The following MYO9B variants were observed in gnomAD, a reference collection of about 807,000 sequenced individuals.
The protein encoded by MYO9B is myosin IXB, also known as unconventional myosin-IXb.
Under a neutral mutation model 229.5 loss-of-function variants are expected in MYO9B, and 71 were observed. The ratio of observed to expected loss-of-function variants is 0.31; its 90% CI spans 0.26 to 0.38. The LOEUF is 0.38. MYO9B is among the 10% of genes least tolerant of loss of function. The pLI is 1.00. For missense variants in MYO9B, 2,255 were observed against 2,920.5 expected, an observed-to-expected ratio of 0.77 and a Z score of 5.25; for synonymous variants, 1,185 against 1,235.8, an observed-to-expected ratio of 0.96 and a Z score of 0.86.
At chr19:17,154,451 G>T in intron 6 of MYO9B, 36 bp downstream of exon 6, 1 of 1,525,496 alleles carries the variant, frequency 6.6e-7, no homozygotes. Context: ...GTCCCCCAGA[G>T]CCTACAGGGG....
intron 2 of MYO9B, among the ~76,000 whole-genome samples, chr19:17,111,649 C>G (rs1004534873): frequency 1.3e-5 from 2 of 152,128 alleles, no homozygotes; most frequent in African/African-American, 4.8e-5. Context: ...TCTCCAACTC[C>G]TGGCCTCAGG....
chr19:17,206,225 G>GGGGGGGGCCCCCCCCC, intron 32 of MYO9B, 23 bp from the exon 33 acceptor site: 1 of 1,564,660 alleles, frequency 6.4e-7, no homozygotes, highest in Non-Finnish European at 8.7e-7. Context: ...CCGCTCACCA[G>GGGGGGGGCCCCCCCCC]ACCCACCCCA....
intron 2 of MYO9B, among the ~76,000 whole-genome samples, chr19:17,107,391 G>C (rs939944320): frequency 6.6e-6 from 1 of 152,282 alleles, no homozygotes; most frequent in East Asian, 1.9e-4. Context: ...AAGTGGCACG[G>C]CCAGGAGGCA....
Position 17,145,486 on chromosome 19 carries a change from G to A in MYO9B, c.930G>A (p.Val310=), listed in dbSNP as rs2072397850. ...IQVSYLESGI[V]RGAVVEKYLL... is the part of the protein sequence containing the mutation. ...TCAGCTACCTAGAGAGTGGCATCGT[G>A]AGAGGGTGAGGTGTCCCTGGGGTCC... The change falls in exon 3 of 40, where the codon GTG becomes GTA. Residue 310 remains valine (V), a synonymous_variant. Transcript: ENST00000682292. 5.6e-6 allele frequency: 9 copies of A among 1,613,786 alleles called. No individual in the cohort carries two copies. The highest frequency in any genetic ancestry group is 6.8e-6 in the Non-Finnish European group (8 of 1,179,804).
intron 2 of MYO9B, among the ~76,000 whole-genome samples, chr19:17,102,768 A>G (rs1388186509): frequency 6.6e-6 from 1 of 151,366 alleles, no homozygotes; most frequent in Non-Finnish European, 1.5e-5. Context: ...CCAGGCAGGC[A>G]TAGTAGTGCT....
chr19:17,141,549 G>C (rs750116121), intron 2 of MYO9B, among the ~76,000 whole-genome samples: 4 of 147,820 alleles, frequency 2.7e-5, no homozygotes, highest in Non-Finnish European at 4.4e-5. Context: ...CCCGCATCCT[G>C]CTGGCCTCAC....
chr19:17,135,712 G>A (rs10416059), intron 2 of MYO9B, among the ~76,000 whole-genome samples: 1,814 of 152,234 alleles, frequency 0.012, 45 homozygotes, highest in African/African-American at 0.04. Context: ...GGGGTAATCG[G>A]GTAATCGCAG....
At chr19:17,168,110 A>G (rs1200273471) in intron 11 of MYO9B, 46 bp downstream of exon 11, 1 of 1,604,044 alleles carries the variant, frequency 6.2e-7, no homozygotes. Flanking sequence ...ACGCATGGGC[A>G]CTGGGTCAGG....
intron 15 of MYO9B, 52 bp downstream of exon 15, chr19:17,181,092 ACTC>A: frequency 7.6e-7 from 1 of 1,307,282 alleles, no homozygotes; most frequent in African/African-American, 1.5e-5. Flanking sequence ...GCCTCCCACT[ACTC>A]CTGCGACCCC....
intron 24 of MYO9B, among the ~76,000 whole-genome samples, chr19:17,199,916 GTGCAATGGTGCGATCTCAGCTCAC>G (rs2073089038): frequency 6.6e-6 from 1 of 151,068 alleles, no homozygotes. Flanking sequence ...CCAGGCTGGA[GTGCAATGGTGCGATCTCAGCTCAC>G]TGCAACCTGC....
intron 16 of MYO9B, 47 bp from the exon 17 acceptor site, chr19:17,184,818 C>T (rs745545428): frequency 3.4e-5 from 55 of 1,611,168 alleles, no homozygotes; most frequent in South Asian, 2.0e-4. Context: ...TCCCCGTGCC[C>T]GTGTGGGCTG....
At position 17,195,995 on chromosome 19, in the gene MYO9B, G is replaced by A. The variant is rs1448757134; in HGVS notation, c.4046+522G>A. ...CAGCCTCCCACTGCTCGTATTGGGGGCCAGATCATTCTCTGCGGTGGGGGC... is the reference window on the plus strand; with the variant it reads ...CAGCCTCCCACTGCTCGTATTGGGGACCAGATCATTCTCTGCGGTGGGGGC... On this transcript the variant is annotated intron_variant, in intron 22 of 39. Coordinates refer to ENST00000682292, the MANE Select transcript of MYO9B (RefSeq NM_004145.4). This position sits in a 1 kb window ranked among gnomAD's most constrained non-coding sequence, Gnocchi z 4.5. 2.0e-5 allele frequency among the ~76,000 whole-genome samples: 3 copies of A among 151,914 alleles called. No individual in the cohort carries two copies. The highest frequency in any genetic ancestry group is 2.9e-5 in the Non-Finnish European group (2 of 67,974).
chr19:17,143,939 A>G (rs1323028991), intron 2 of MYO9B, among the ~76,000 whole-genome samples: 1 of 151,830 alleles, frequency 6.6e-6, no homozygotes, highest in East Asian at 1.9e-4. Context: ...AAAGAAAAGA[A>G]AAAGAAAAAT....
At chr19:17,076,500 G>T (rs977316866) in intron 1 of MYO9B, among the ~76,000 whole-genome samples, 6 of 152,056 alleles carry the variant, frequency 3.9e-5, no homozygotes, top group Admixed American at 1.3e-4. Context: ...GGGAGGGAGG[G>T]CCCGGAGAGG....
At chr19:17,139,735 T>C (rs1260064213) in intron 2 of MYO9B, among the ~76,000 whole-genome samples, 5 of 151,758 alleles carry the variant, frequency 3.3e-5, no homozygotes, top group Admixed American at 6.6e-5. Context: ...TGAGACCCTG[T>C]CTCAAAAAAA....
intron 2 of MYO9B, among the ~76,000 whole-genome samples, chr19:17,121,463 A>ATATATATC (rs1030275525): frequency 6.7e-6 from 1 of 149,904 alleles, no homozygotes; most frequent in African/African-American, 2.5e-5. Flanking sequence ...ATATATATAT[A>ATATATATC]TCCAAGAGCT....
At position 17,200,203 on chromosome 19, in the gene MYO9B, G is replaced by A. The variant is rs995044093; in HGVS notation, c.4239-90G>A. 9.5e-6 allele frequency: 14 copies of A among 1,472,220 alleles called. No homozygotes were observed. In the African/African-American group the frequency reaches 1.5e-4, roughly 16 times the overall value. The allele number at this position is 1,472,220 out of a possible 1,614,324, so 91.2% of individuals were successfully genotyped here. A position where few individuals can be genotyped will look rare whatever the true frequency, so the allele number is the denominator to read the frequency against. On this transcript the variant is annotated intron_variant, in intron 24 of 39. Transcript: ENST00000682292. ...CTTTTTTGAGTCAGGCATTGATAGA[G>A]CATTTGCCATGTGTCCAGTCACAGG...
intron 3 of MYO9B, among the ~76,000 whole-genome samples, chr19:17,149,741 G>A (rs1482925079): frequency 6.6e-6 from 1 of 152,202 alleles, no homozygotes; most frequent in African/African-American, 2.4e-5. Context: ...TGAGGCTGCA[G>A]CTTCCTGTGT....
chr19:17,136,611 G>A (rs2072272573), intron 2 of MYO9B, among the ~76,000 whole-genome samples: 1 of 148,560 alleles, frequency 6.7e-6, no homozygotes, highest in Non-Finnish European at 1.5e-5. Context: ...CATCGGGTAG[G>A]TGGAGGCCAG....
Sources: allele counts gnomAD v4.1 joint callset (sites outside exome capture counted in the v4.1 genomes callset), GRCh38; gene constraint gnomAD v4.1.1; non-coding constraint Gnocchi (gnomAD v3.1); transcripts MANE v1.5; gene names NCBI Gene and HGNC (gene_info 2026-07-23, HGNC 2026-07-21).